The following PCDHB8 variants were observed in gnomAD, a reference collection of about 807,000 sequenced individuals.
The protein encoded by PCDHB8 is protocadherin beta-8.
For synonymous variants in PCDHB8, 385 were observed against 448.5 expected (o/e 0.86, Z 1.79); for missense variants, 836 against 1,004.0 (o/e 0.83, Z 2.26).
In PCDHB8 at chr5:141,179,516, C is replaced by T; in HGVS notation, c.1482C>T (p.Pro494=). The T allele has an allele frequency of 6.2e-7, 1 of 1,613,704 alleles. No individual in the cohort carries two copies. Among genetic ancestry groups the T allele is most frequent in the Non-Finnish European group, 8.5e-7 (1 of 1,180,018 alleles). The part of the protein sequence containing the change: ...NAQVTYSLLP[P]QDPHLPLASL... Reference sequence around the variant, plus strand: ...AGGTCACCTACTCGCTGCTGCCGCCCCAGGATCCGCACCTGCCCCTCGCCT... The same window carrying T: ...AGGTCACCTACTCGCTGCTGCCGCCTCAGGATCCGCACCTGCCCCTCGCCT... Residue 494 remains proline (P), a synonymous_variant, in exon 1 of 1, where the codon CCC becomes CCT. Transcript: ENST00000239444.
rs377271699 is a variant in PCDHB8, at chr5:141,180,251, C to G, written c.2217C>G (p.Asp739Glu). ...GCCCCTTTCCAGGGCATCTGGTGGA[C>G]GTGAGGGGCACCGGGAGCCTGTCTC... Reference protein sequence around the residue: ...PEGPFPGHLVDVRGTGSLSQN... With the variant: ...PEGPFPGHLVEVRGTGSLSQN... Residue 739 changes from aspartate to glutamate, a missense_variant, in exon 1 of 1, where the codon GAC becomes GAG. Transcript: ENST00000239444. 24 of 1,613,538 alleles carry G rather than the reference C, an allele frequency of 1.5e-5. No homozygotes were observed. Among genetic ancestry groups the G allele is most frequent in the Non-Finnish European group, 1.9e-5 (23 of 1,179,954 alleles).
At position 141,180,406 on chromosome 5, in the gene PCDHB8, G is replaced by A; in HGVS notation, c.2372G>A (p.Arg791Lys). The change falls in exon 1 of 1, where the codon AGG becomes AAG. Residue 791 changes from arginine (R) to lysine (K), a missense_variant. Physicochemically the swap from Arg to Lys is conservative, Grantham distance 26. Transcript: ENST00000239444. ...GAAATGGAACAAAACTCTAACTTTA[G>A]GAATGGCTTTGGTTTCAGCCTTCAG... ...GPEMEQNSNF[R>K]NGFGFSLQLK is the part of the protein sequence containing the mutation. 6.2e-7 allele frequency: 1 copy of A among 1,601,478 alleles called. No homozygotes were observed. The highest frequency in any genetic ancestry group is 8.5e-7 in the Non-Finnish European group (1 of 1,169,920).
rs782017538 is a variant in PCDHB8, at chr5:141,178,030, G to C, written c.-5G>C. The C allele has an allele frequency of 2.3e-5, 37 of 1,613,580 alleles. 1 individual carries two copies. The highest frequency in any genetic ancestry group is 3.1e-5 in the Non-Finnish European group (37 of 1,179,964). Reference sequence around the variant, plus strand: ...CCTCCCAGGAAGCTGAATTCAGCAAGAACAATGGAGGCCAGCGGGAAGCTC... The same window carrying C: ...CCTCCCAGGAAGCTGAATTCAGCAACAACAATGGAGGCCAGCGGGAAGCTC... On this transcript the variant is annotated 5_prime_UTR_variant, in exon 1 of 1. Coordinates refer to ENST00000239444, the MANE Select transcript of PCDHB8 (RefSeq NM_019120.5).
Position 141,180,434 on chromosome 5 carries a change from A to T in PCDHB8, c.2400A>T (p.Leu800Phe). 6.4e-7 allele frequency: 1 copy of T among 1,561,072 alleles called. No individual in the cohort carries two copies. The highest frequency in any genetic ancestry group is 8.7e-7 in the Non-Finnish European group (1 of 1,151,140). ...ATGGCTTTGGTTTCAGCCTTCAGTT[A>T]AAGTAATTGATTTCATATTATATAT... ...FRNGFGFSLQLK is the reference protein window; with the variant it reads ...FRNGFGFSLQFK Residue 800 changes from leucine to phenylalanine, a missense_variant, in exon 1 of 1, where the codon TTA becomes TTT. Transcript: ENST00000239444.
Position 141,179,620 on chromosome 5 carries a change from A to C in PCDHB8, c.1586A>C (p.Glu529Ala), listed in dbSNP as rs1563927243. The C allele has an allele frequency of 6.2e-7, 1 of 1,613,282 alleles. No homozygotes were observed. The change falls in exon 1 of 1, where the codon GAG becomes GCG. Residue 529 changes from glutamate (E) to alanine (A), a missense_variant. Transcript: ENST00000239444. ...GACTACGAGGCCCTGCAGGCGTTCG[A>C]GTTCCGGGTGGGCGCTTCAGACCGC... ...SLDYEALQAFEFRVGASDRGS... is the reference protein window; with the variant it reads ...SLDYEALQAFAFRVGASDRGS...
Position 141,180,317 on chromosome 5 carries a change from G to T in PCDHB8, c.2283G>T (p.Gly761=). The change falls in exon 1 of 1, where the codon GGG becomes GGT. Residue 761 remains glycine, a synonymous_variant. Coordinates refer to ENST00000239444, the MANE Select transcript of PCDHB8 (RefSeq NM_019120.5). ...QYEVCLAGGS[G]TNEFQLLKPV... is the part of the protein sequence containing the mutation. The stretch of plus-strand genomic sequence containing the variant: ...AGGTGTGCCTGGCAGGAGGCTCAGG[G>T]ACGAATGAGTTCCAGCTCCTGAAAC... The T allele has an allele frequency of 2.5e-6, 4 of 1,614,102 alleles. No individual in the cohort carries two copies. The highest frequency in any genetic ancestry group is 3.4e-6 in the Non-Finnish European group (4 of 1,179,966).
rs782741344 is a variant in PCDHB8, at chr5:141,180,301, T to G, written c.2267T>G (p.Leu756Arg). ...LSQNYQYEVC[L>R]AGGSGTNEFQ... ...CAGAACTATCAGTACGAGGTGTGCC[T>G]GGCAGGAGGCTCAGGGACGAATGAG... The change falls in exon 1 of 1, where the codon CTG becomes CGG. Residue 756 changes from leucine to arginine, a missense_variant. Coordinates refer to ENST00000239444, the MANE Select transcript of PCDHB8 (RefSeq NM_019120.5). The G allele has an allele frequency of 2.5e-6, 4 of 1,614,044 alleles. No homozygotes were observed. Among genetic ancestry groups the G allele is most frequent in the Non-Finnish European group, 3.4e-6 (4 of 1,179,956 alleles).
In PCDHB8 at chr5:141,179,785, G is replaced by A; in HGVS notation, c.1751G>A (p.Gly584Asp). ...TELVPRAAEP[G>D]YLVTKVVAVD... Reference sequence around the variant, plus strand: ...CTGGTGCCCCGGGCGGCCGAGCCGGGCTACCTGGTGACCAAGGTGGTGGCG... The same window carrying A: ...CTGGTGCCCCGGGCGGCCGAGCCGGACTACCTGGTGACCAAGGTGGTGGCG... Residue 584 changes from glycine (G) to aspartate (D), a missense_variant, in exon 1 of 1, where the codon GGC becomes GAC. Physicochemically the swap from Gly to Asp is moderately conservative, Grantham distance 94. Coordinates refer to ENST00000239444, the MANE Select transcript of PCDHB8 (RefSeq NM_019120.5). 1 of 1,610,744 alleles carries A rather than the reference G, an allele frequency of 6.2e-7. No homozygotes were observed.
In PCDHB8 at chr5:141,179,298, A is replaced by G. The variant is rs1483908486; in HGVS notation, c.1264A>G (p.Ile422Val). ...RESRAEYNVT[I>V]TVTDLGTPRL... is the part of the protein sequence containing the mutation. ...AAGCAGAGCCGAGTACAACGTCACT[A>G]TCACCGTCACTGACTTAGGGACACC... Residue 422 changes from isoleucine to valine, a missense_variant, in exon 1 of 1, where the codon ATC (isoleucine) becomes GTC (valine). Coordinates refer to ENST00000239444, the MANE Select transcript of PCDHB8 (RefSeq NM_019120.5). 2 of 1,614,134 alleles carry G rather than the reference A, an allele frequency of 1.2e-6. No homozygotes were observed. Among genetic ancestry groups the G allele is most frequent in the Non-Finnish European group, 1.7e-6 (2 of 1,180,052 alleles).
rs1554281462 is a variant in PCDHB8 at position 141,179,948 on chromosome 5, G to T, written c.1914G>T (p.Lys638Asn). 2 of 1,608,846 alleles carry T rather than the reference G, an allele frequency of 1.2e-6. No individual in the cohort carries two copies. The highest frequency in any genetic ancestry group is 2.3e-4 in the Middle Eastern group (1 of 4,442). Reference sequence around the variant, plus strand: ...TGCTGAGCGAGCGCGACGCGGCCAAGCAGAGGCTGGTGGTGCTGGTCAAGG... The same window carrying T: ...TGCTGAGCGAGCGCGACGCGGCCAATCAGAGGCTGGTGGTGCTGGTCAAGG... ...ARLLSERDAA[K>N]QRLVVLVKDN... The change falls in exon 1 of 1, where the codon AAG (lysine) becomes AAT (asparagine). Residue 638 changes from lysine (K) to asparagine (N), a missense_variant. By Grantham distance (94) the Lys-to-Asn change is moderately conservative. Coordinates refer to ENST00000239444, the MANE Select transcript of PCDHB8 (RefSeq NM_019120.5).
At position 141,180,434 on chromosome 5, in the gene PCDHB8, A is replaced by G. The variant is rs368669446; in HGVS notation, c.2400A>G (p.Leu800=). ...ATGGCTTTGGTTTCAGCCTTCAGTT[A>G]AAGTAATTGATTTCATATTATATAT... ...FRNGFGFSLQ[L]K Residue 800 remains leucine, a synonymous_variant, in exon 1 of 1, where the codon TTA becomes TTG. Coordinates refer to ENST00000239444, the MANE Select transcript of PCDHB8 (RefSeq NM_019120.5). 311 of 1,560,952 alleles carry G rather than the reference A, an allele frequency of 2.0e-4. No homozygotes were observed. Among genetic ancestry groups the G allele is most frequent in the Non-Finnish European group, 2.6e-4 (304 of 1,151,144 alleles).
Position 141,179,414 on chromosome 5 carries a change from C to A in PCDHB8, c.1380C>A (p.Phe460Leu), listed in dbSNP as rs111667842. The A allele has an allele frequency of 6.8e-6, 11 of 1,614,100 alleles. No individual in the cohort carries two copies. In the African/African-American group the frequency reaches 9.3e-5, roughly 14 times the overall value. Residue 460 changes from phenylalanine to leucine, a missense_variant, in exon 1 of 1, where the codon TTC becomes TTA. Transcript: ENST00000239444. Reference protein sequence around the residue: ...PAFTQTSYTLFVRENNSPALH... With the variant: ...PAFTQTSYTLLVRENNSPALH... ...TCACCCAAACCTCCTACACCCTGTT[C>A]GTCCGCGAGAACAACAGCCCCGCCC...
chr5:141,180,198 T>G lies in PCDHB8; in HGVS notation c.2164T>G (p.Ser722Ala). 1 of 1,612,838 alleles carries G rather than the reference T, an allele frequency of 6.2e-7. No individual in the cohort carries two copies. Among genetic ancestry groups the G allele is most frequent in the Non-Finnish European group, 8.5e-7 (1 of 1,179,972 alleles). The change falls in exon 1 of 1, where the codon TCG (serine) becomes GCG (alanine). Residue 722 changes from serine (S) to alanine (A), a missense_variant. Transcript: ENST00000239444. ...VLLCRRSRAA[S>A]VGRCSVPEGP... ...GCTGTGTAGGAGGAGCAGGGCGGCC[T>G]CGGTGGGTCGCTGCTCAGTGCCTGA...
Position 141,179,000 on chromosome 5 carries a change from G to T in PCDHB8, c.966G>T (p.Ala322=). The change falls in exon 1 of 1, where the codon GCG becomes GCT. Residue 322 remains alanine, a synonymous_variant. Transcript: ENST00000239444. ...AGTCCTATGAAGTCAATATCGAGGC[G>T]AGAGATGCTGGAGGCTTTTCTGGAA... ...KFQSYEVNIE[A]RDAGGFSGKC... The T allele has an allele frequency of 6.2e-7, 1 of 1,614,208 alleles. No individual in the cohort carries two copies. The highest frequency in any genetic ancestry group is 8.5e-7 in the Non-Finnish European group (1 of 1,180,038).
rs781914760 is a variant in PCDHB8 at position 141,179,219 on chromosome 5, ATCT to A, written c.1189_1191del (p.Ser397del). ...AGGAGGATCTACCCTTCCTCCTGAAATCTTCTGTGGGGAACTTTTACACCCTAC... is the reference window on the plus strand; with the variant it reads ...AGGAGGATCTACCCTTCCTCCTGAAATCTGTGGGGAACTTTTACACCCTAC... On this transcript the variant is annotated inframe_deletion, in exon 1 of 1. Coordinates refer to ENST00000239444, the MANE Select transcript of PCDHB8 (RefSeq NM_019120.5). 3 of 1,614,076 alleles carry A rather than the reference ATCT, an allele frequency of 1.9e-6. No individual in the cohort carries two copies. The highest frequency in any genetic ancestry group is 2.2e-5 in the East Asian group (1 of 44,890).
At position 141,178,811 on chromosome 5, in the gene PCDHB8, C is replaced by T. The variant is rs782027127; in HGVS notation, c.777C>T (p.Ser259=). ...AGATCTCTGAGGACAGTCCAATAAG[C>T]TTCCTGGTTGTGAAGGTCTCTGCCA... ...RVQISEDSPI[S]FLVVKVSATD... Residue 259 remains serine (S), a synonymous_variant, in exon 1 of 1, where the codon AGC becomes AGT. Transcript: ENST00000239444. The T allele has an allele frequency of 6.2e-7, 1 of 1,614,054 alleles. No homozygotes were observed. The highest frequency in any genetic ancestry group is 1.1e-5 in the South Asian group (1 of 91,068).
At position 141,179,249 on chromosome 5, in the gene PCDHB8, AAC is replaced by A. The variant is rs782058688; in HGVS notation, c.1217_1218del (p.Thr406ArgfsTer20). 5 of 1,614,200 alleles carry A rather than the reference AAC, an allele frequency of 3.1e-6. No homozygotes were observed. In the East Asian group the frequency reaches 8.9e-5, roughly 29 times the overall value. ...SSVGNFYTLL[T>X]ETPLDRESRA... is the part of the protein sequence containing the mutation. ...CTGTGGGGAACTTTTACACCCTACT[AAC>A]AGAGACACCACTAGACAGAGAAAGC... On this transcript the variant is annotated frameshift_variant, in exon 1 of 1. Coordinates refer to ENST00000239444, the MANE Select transcript of PCDHB8 (RefSeq NM_019120.5). LOFTEE classifies it low-confidence loss of function (END_TRUNC).
In PCDHB8 at chr5:141,179,339, T is replaced by G; in HGVS notation, c.1305T>G (p.His435Gln). 1 of 1,614,156 alleles carries G rather than the reference T, an allele frequency of 6.2e-7. No homozygotes were observed. Among genetic ancestry groups the G allele is most frequent in the South Asian group, 1.1e-5 (1 of 91,078 alleles). The part of the protein sequence containing the change: ...TDLGTPRLTT[H>Q]LNMTVLVSDV... Reference sequence around the variant, plus strand: ...TAGGGACACCCAGGCTGACAACACATCTCAATATGACCGTGCTGGTGTCGG... The same window carrying G: ...TAGGGACACCCAGGCTGACAACACAGCTCAATATGACCGTGCTGGTGTCGG... The change falls in exon 1 of 1, where the codon CAT (histidine) becomes CAG (glutamine). Residue 435 changes from histidine (H) to glutamine (Q), a missense_variant. His to Gln is a conservative substitution (Grantham distance 24). Transcript: ENST00000239444.
chr5:141,179,448 G>C lies in PCDHB8; in HGVS notation c.1414G>C (p.Gly472Arg), dbSNP rs139165988. Residue 472 changes from glycine (G) to arginine (R), a missense_variant, in exon 1 of 1, where the codon GGC (glycine) becomes CGC (arginine). Transcript: ENST00000239444. ...RENNSPALHIGSVSATDRDSG... is the reference protein window; with the variant it reads ...RENNSPALHIRSVSATDRDSG... The stretch of plus-strand genomic sequence containing the variant: ...GAACAACAGCCCCGCCCTGCACATC[G>C]GCAGCGTCAGCGCCACAGACAGAGA... 18,062 of 1,612,058 alleles carry C rather than the reference G, an allele frequency of 0.011. 133 individuals are homozygous for C. Among genetic ancestry groups the C allele is most frequent in the Middle Eastern group, 0.017 (103 of 5,894 alleles).
Sources: allele counts gnomAD v4.1 joint callset, GRCh38; gene constraint gnomAD v4.1.1; transcripts MANE v1.5; gene names NCBI Gene and HGNC (gene_info 2026-07-23, HGNC 2026-07-21).